Variants in LAMB4 observed in about 807,000 individuals in gnomAD.
LAMB4 encodes the protein laminin subunit beta 4.
A neutral mutation model predicts 199.2 loss-of-function variants in LAMB4; 196 were observed. The ratio of observed to expected loss-of-function variants is 0.98; its 90% CI spans 0.88 to 1.11. LAMB4 has a LOEUF of 1.11. Ranked by LOEUF, LAMB4 falls within the 50% of genes least tolerant of loss-of-function variation. The probability of loss-of-function intolerance (pLI) is 0.00; values close to 1 mark genes in which losing one functional copy is unlikely to be tolerated. For synonymous variants in LAMB4, 744 were observed against 770.6 expected (o/e 0.97, Z 0.57); for missense variants, 2,080 against 2,171.2 (o/e 0.96, Z 0.83).
rs745586493 is a variant in LAMB4, at chr7:108,107,794, A to C, written c.428T>G (p.Val143Gly). The change falls in exon 6 of 34, where the codon GTT becomes GGT. Residue 143 changes from valine to glycine, a missense_variant. Coordinates refer to ENST00000388781, the MANE Select transcript of LAMB4 (RefSeq NM_007356.3). Reference sequence around the variant, plus strand: ...GTGTCCATAGTCTGTGGAACGTTCAACTAACATTGCAGCAGGCCGAAAAGT... The same window carrying C: ...GTGTCCATAGTCTGTGGAACGTTCACCTAACATTGCAGCAGGCCGAAAAGT... ...FKTFRPAAML[V>G]ERSTDYGHNW... 6.3e-7 allele frequency: 1 copy of C among 1,598,276 alleles called. No homozygotes were observed. The highest frequency in any genetic ancestry group is 2.3e-5 in the East Asian group (1 of 44,438).
chr7:108,108,410 C>T (rs1261058502), intron 5 of LAMB4, among the ~76,000 whole-genome samples: 1 of 152,120 alleles, frequency 6.6e-6, no homozygotes, highest in Non-Finnish European at 1.5e-5. Flanking sequence ...TATTTTACAG[C>T]AATTTGTTGT....
At chr7:108,088,582 C>T (rs1222925278) in intron 14 of LAMB4, among the ~76,000 whole-genome samples, 1 of 152,188 alleles carries the variant, frequency 6.6e-6, no homozygotes, top group Non-Finnish European at 1.5e-5. Flanking sequence ...TGTAATTCTT[C>T]TTAGTTCTGC....
Position 108,068,116 on chromosome 7 carries a change from G to T in LAMB4, c.2346C>A (p.Ser782Arg), listed in dbSNP as rs1355936505. The T allele has an allele frequency of 2.5e-6, 4 of 1,614,038 alleles. No individual in the cohort carries two copies. Among genetic ancestry groups the T allele is most frequent in the Non-Finnish European group, 3.4e-6 (4 of 1,180,030 alleles). ...TACACTGGCACTGGCCTCCAAGTCG[G>T]CTGCAGCTGGATCCGACTGAGCCCT... is the stretch of plus-strand genomic sequence containing the variant. ...HPQGSVGSSC[S>R]RLGGQCQCKP... Residue 782 changes from serine to arginine, a missense_variant, in exon 19 of 34, where the codon AGC becomes AGA. Ser to Arg is a moderately radical substitution (Grantham distance 110). Coordinates refer to ENST00000388781, the MANE Select transcript of LAMB4 (RefSeq NM_007356.3).
chr7:108,058,877 G>A (rs868630114), intron 23 of LAMB4, among the ~76,000 whole-genome samples: 2 of 151,922 alleles, frequency 1.3e-5, no homozygotes, highest in Admixed American at 6.6e-5. Context: ...GGCTGGTCTC[G>A]AACTCCTGAC....
rs1464611212 is a variant in LAMB4 at position 108,116,071 on chromosome 7, T to C, written c.125A>G (p.Gln42Arg). 2 of 1,614,096 alleles carry C rather than the reference T, an allele frequency of 1.2e-6. No individual in the cohort carries two copies. The highest frequency in any genetic ancestry group is 4.5e-5 in the East Asian group (2 of 44,878). ...CCCACAGGTAGAAGAAGCCATAAGC[T>C]GCGTGTTCCTGCCCACCAGGAGATC... Reference protein sequence around the residue: ...TGDLLVGRNTQLMASSTCGLS... With the variant: ...TGDLLVGRNTRLMASSTCGLS... The change falls in exon 3 of 34, where the codon CAG (glutamine) becomes CGG (arginine). Residue 42 changes from glutamine (Q) to arginine (R), a missense_variant. Physicochemically the swap from Gln to Arg is conservative, Grantham distance 43 (BLOSUM62 1). Coordinates refer to ENST00000388781, the MANE Select transcript of LAMB4 (RefSeq NM_007356.3).
chr7:108,106,432 AG>A, intron 7 of LAMB4, 76 bp downstream of exon 7: 9 of 858,868 alleles, frequency 1.0e-5, no homozygotes, highest in Admixed American at 2.5e-5. Context: ...AAAAAAAAAA[AG>A]AAAAGCAATT....
intron 28 of LAMB4, among the ~76,000 whole-genome samples, chr7:108,046,737 T>C (rs1187244457): frequency 6.6e-6 from 1 of 151,942 alleles, no homozygotes; most frequent in African/African-American, 2.4e-5. Context: ...GGGGAATGAG[T>C]TCAAGGTATG....
intron 8 of LAMB4, among the ~76,000 whole-genome samples, chr7:108,105,353 T>C (rs1484430852): frequency 6.6e-6 from 1 of 152,202 alleles, no homozygotes; most frequent in East Asian, 1.9e-4. Flanking sequence ...CACCTTAGCA[T>C]TGACTACAGG....
chr7:108,038,372 A>T (rs2035302109), intron 29 of LAMB4, among the ~76,000 whole-genome samples: 3 of 152,192 alleles, frequency 2.0e-5, no homozygotes, highest in Admixed American at 2.0e-4. Context: ...CATGTTGGCC[A>T]GGATGGTCTC....
chr7:108,011,671 A>G, the LAMB4 span, among the ~76,000 whole-genome samples: 12 of 152,154 alleles, frequency 7.9e-5, no homozygotes, highest in African/African-American at 2.6e-4. Flanking sequence ...AGCCCGCCTC[A>G]GCCTCCCAAA....
intron 4 of LAMB4, 90 bp downstream of exon 4, chr7:108,111,721 T>C: frequency 2.7e-6 from 3 of 1,125,414 alleles, no homozygotes; most frequent in Non-Finnish European, 4.0e-6. Context: ...TATAATACTT[T>C]GCTGTGACAT....
chr7:108,020,759 G>T (rs2034676087), downstream of LAMB4, among the ~76,000 whole-genome samples: 2 of 152,114 alleles, frequency 1.3e-5, no homozygotes, highest in South Asian at 4.1e-4. Context: ...GTTCCTTTTT[G>T]TACCTGTGAC....
intron 25 of LAMB4, among the ~76,000 whole-genome samples, chr7:108,054,158 G>A (rs909398944): frequency 3.3e-5 from 5 of 152,196 alleles, no homozygotes; most frequent in Non-Finnish European, 7.4e-5. Context: ...GGCTGGTCTC[G>A]AACTCCTGGC....
At chr7:108,054,724 G>A (rs145761746) in intron 25 of LAMB4, among the ~76,000 whole-genome samples, 61 of 152,242 alleles carry the variant, frequency 4.0e-4, no homozygotes, top group African/African-American at 1.4e-3. Flanking sequence ...CAGAGGAGGG[G>A]TAAATAAATG....
chr7:108,118,533 G>A (rs545287680), intron 2 of LAMB4, among the ~76,000 whole-genome samples: 49 of 152,198 alleles, frequency 3.2e-4, no homozygotes, highest in Non-Finnish European at 5.9e-4. Flanking sequence ...AGGAAGAACA[G>A]CCTTTTCAAT....
chr7:108,040,232 T>C (rs943977457), intron 29 of LAMB4, among the ~76,000 whole-genome samples: 1 of 152,126 alleles, frequency 6.6e-6, no homozygotes, highest in Non-Finnish European at 1.5e-5. Flanking sequence ...CAGGGAGAAC[T>C]ACAAAACACT....
At chr7:108,113,475 G>A (rs1351138237) in intron 3 of LAMB4, among the ~76,000 whole-genome samples, 3 of 152,146 alleles carry the variant, frequency 2.0e-5, no homozygotes, top group Admixed American at 1.3e-4. Context: ...GGTCACTATA[G>A]GCCTTATTGT....
In LAMB4 at chr7:108,039,461, ACTTT is replaced by A. The variant is rs1366602465; in HGVS notation, c.4472-1870_4472-1867del. On this transcript the variant is annotated intron_variant, in intron 29 of 33. Transcript: ENST00000388781. ...GGAGTTGGCTCTTTAAAGAAACAGT[ACTTT>A]CTTTCTTTTTTTTTTTTTTTTGAGA... 1.2e-4 allele frequency among the ~76,000 whole-genome samples: 18 copies of A among 145,142 alleles called. No homozygotes were observed. The South Asian group carries it at 3.0e-3, about 24-fold the overall frequency.
rs2038660835 is a variant in LAMB4 at position 108,123,212 on chromosome 7, GGTT to G, written c.-33-18_-33-16del. ...ATTCAATTCTACTGGGTTAAAAAAAGGTTAAAGTCAATCACTGATAGAAGAAAT... is the reference window on the plus strand; with the variant it reads ...ATTCAATTCTACTGGGTTAAAAAAAGAAAGTCAATCACTGATAGAAGAAAT... On this transcript the variant is annotated splice_polypyrimidine_tract_variant and intron_variant, in intron 1 of 33. Coordinates refer to ENST00000388781, the MANE Select transcript of LAMB4 (RefSeq NM_007356.3). 3.3e-6 allele frequency: 5 copies of G among 1,503,880 alleles called. No homozygotes were observed. In the Admixed American group the frequency reaches 7.6e-5, roughly 23 times the overall value. The allele number at this position is 1,503,880 out of a possible 1,614,324, so 93.2% of individuals were successfully genotyped here. A position where few individuals can be genotyped will look rare whatever the true frequency, so the allele number is the denominator to read the frequency against.
Sources: allele counts gnomAD v4.1 joint callset (sites outside exome capture counted in the v4.1 genomes callset), GRCh38; gene constraint gnomAD v4.1.1; transcripts MANE v1.5; gene names NCBI Gene and HGNC (gene_info 2026-07-23, HGNC 2026-07-21).